CLOCK: variants seen among roughly 807,000 people sequenced by gnomAD.
CLOCK encodes clock circadian regulator.
Under a neutral mutation model 118.4 loss-of-function variants are expected in CLOCK, and 43 were observed. That is an observed-to-expected ratio of 0.36 (90% CI 0.28 to 0.47). The LOEUF (loss-of-function observed/expected upper bound fraction) is 0.47. Ranked by LOEUF, CLOCK falls within the 20% of genes least tolerant of loss-of-function variation. The pLI is 1.00. For missense variants in CLOCK, 846 were observed against 999.9 expected, an observed-to-expected ratio of 0.85 and a Z score of 2.08; for synonymous variants, 326 against 339.2, an observed-to-expected ratio of 0.96 and a Z score of 0.43.
Position 55,449,379 on chromosome 4 carries a change from T to A in CLOCK, c.1449+17A>T. 6.3e-7 allele frequency: 1 copy of A among 1,586,960 alleles called. No individual in the cohort carries two copies. ...TAATAAATCTTTATTCAGAAGAATA[T>A]CCACTAAAGAGCTTACCTGACTACT... On this transcript the variant is annotated intron_variant, in intron 17 of 22. Transcript: ENST00000513440.
At position 55,432,265 on chromosome 4, in the gene CLOCK, A is replaced by C; in HGVS notation, c.*3150T>G. On this transcript the variant is annotated 3_prime_UTR_variant, in exon 23 of 23. Transcript: ENST00000513440. ...AGTGTCTCGGTTCTGGTTTGACACCACTCTAAGGAGCAACTTTATTAACCC... is the reference window on the plus strand; with the variant it reads ...AGTGTCTCGGTTCTGGTTTGACACCCCTCTAAGGAGCAACTTTATTAACCC... 6.6e-6 allele frequency: 1 copy of C among 151,138 alleles called. No individual in the cohort carries two copies. The highest frequency in any genetic ancestry group is 1.9e-4 in the East Asian group (1 of 5,170). 9.4% of individuals were successfully genotyped at this position (151,138 alleles called of 1,614,324 possible).
chr4:55,478,266 AC>A (rs1366588596), intron 6 of CLOCK, among the ~76,000 whole-genome samples: 3 of 152,080 alleles, frequency 2.0e-5, no homozygotes, highest in African/African-American at 7.2e-5. Context: ...GTGTTGATTT[AC>A]TAGATATACA....
intron 22 of CLOCK, among the ~76,000 whole-genome samples, chr4:55,437,620 T>C (rs17721215): frequency 0.25 from 37,465 of 152,084 alleles, 4,955 homozygotes; most frequent in South Asian, 0.37. Context: ...TATTCAGTGA[T>C]TTACAAGCAC....
intron 1 of CLOCK, among the ~76,000 whole-genome samples, chr4:55,543,760 G>C (rs554783233): frequency 2.6e-5 from 4 of 151,146 alleles, no homozygotes; most frequent in Non-Finnish European, 5.9e-5. Context: ...CCTGGTGACA[G>C]AGCAAGACTC....
chr4:55,448,338 C>T (rs1724053800), intron 18 of CLOCK, among the ~76,000 whole-genome samples: 1 of 152,140 alleles, frequency 6.6e-6, no homozygotes, highest in African/African-American at 2.4e-5. Flanking sequence ...TGAACAGCTA[C>T]ATTTCATCCT....
chr4:55,481,995 C>T (rs1726966083), intron 4 of CLOCK, among the ~76,000 whole-genome samples: 1 of 152,064 alleles, frequency 6.6e-6, no homozygotes. Context: ...TTAAGATCAC[C>T]ACTATTTTAT....
chr4:55,471,323 G>A (rs751594574), intron 7 of CLOCK, among the ~76,000 whole-genome samples: 1 of 152,182 alleles, frequency 6.6e-6, no homozygotes, highest in African/African-American at 2.4e-5. Flanking sequence ...AAAAGGCTTT[G>A]AATATAAGGT....
intron 8 of CLOCK, among the ~76,000 whole-genome samples, chr4:55,467,940 G>A (rs577234143): frequency 1.3e-5 from 2 of 152,228 alleles, no homozygotes; most frequent in African/African-American, 2.4e-5. Flanking sequence ...TGTACTGCAT[G>A]GCTTTCAACT....
chr4:55,446,968 AC>A (rs1012402830), intron 18 of CLOCK, among the ~76,000 whole-genome samples: 46 of 152,300 alleles, frequency 3.0e-4, no homozygotes, highest in African/African-American at 1.0e-3. Context: ...ATTAACAATA[AC>A]CAGACCATAT....
At chr4:55,463,629 AG>A (rs1158724122) in intron 9 of CLOCK, 55 bp downstream of exon 9, 4 of 1,591,258 alleles carry the variant, frequency 2.5e-6, no homozygotes, top group Non-Finnish European at 3.4e-6. Flanking sequence ...AACTTGCAAA[AG>A]GATAGTGCTA....
intron 18 of CLOCK, among the ~76,000 whole-genome samples, chr4:55,447,601 T>C (rs2109727437): frequency 6.6e-6 from 1 of 152,264 alleles, no homozygotes; most frequent in Non-Finnish European, 1.5e-5. Context: ...ACATGAATGC[T>C]TACTAACATT....
intron 18 of CLOCK, among the ~76,000 whole-genome samples, chr4:55,446,604 G>A (rs1471337396): frequency 3.3e-5 from 5 of 152,016 alleles, no homozygotes; most frequent in African/African-American, 4.8e-5. Flanking sequence ...ATGAATAAAC[G>A]CATACATGAA....
rs56157186 is a variant in CLOCK at position 55,445,582 on chromosome 4, CTTTTTTTTTTTTTTTTTTT to C, written c.1540-816_1540-798del. On this transcript the variant is annotated intron_variant, in intron 18 of 22. Transcript: ENST00000513440. ...TCTCTGCATCTGCTATTTCTATATTCTTTTTTTTTTTTTTTTTTTTTTTTTTGAGACAGGATCTCACTCT... is the reference window on the plus strand; with the variant it reads ...TCTCTGCATCTGCTATTTCTATATTCTTTTTTTGAGACAGGATCTCACTCT... Among the ~76,000 whole-genome samples the C allele has an allele frequency of 4.4e-5, 3 of 68,574 alleles. 1 individual carries two copies. The Admixed American group carries it at 6.2e-4, about 14-fold the overall frequency. The allele number at this position is 68,574 out of a possible 152,430, so 45.0% of individuals were successfully genotyped here.
At chr4:55,518,219 G>A (rs1488365261) in intron 1 of CLOCK, among the ~76,000 whole-genome samples, 1 of 152,134 alleles carries the variant, frequency 6.6e-6, no homozygotes, top group Non-Finnish European at 1.5e-5. Context: ...GTTAAATAAG[G>A]CAGATAAGGA....
intron 1 of CLOCK, among the ~76,000 whole-genome samples, chr4:55,530,522 C>G (rs1007382244): frequency 1.3e-5 from 2 of 151,964 alleles, no homozygotes; most frequent in African/African-American, 4.8e-5. Flanking sequence ...TGCATATAAT[C>G]CCAGCACTTT....
chr4:55,478,673 G>C, intron 6 of CLOCK, 142 bp downstream of exon 6: 1 of 775,314 alleles, frequency 1.3e-6, no homozygotes, highest in South Asian at 1.7e-5. Flanking sequence ...ATGAAAGAAT[G>C]AACATATTAG....
At chr4:55,518,234 A>G (rs1729641441) in intron 1 of CLOCK, among the ~76,000 whole-genome samples, 1 of 152,120 alleles carries the variant, frequency 6.6e-6, no homozygotes, top group Admixed American at 6.6e-5. Context: ...TAAGGAGACA[A>G]AGCAAACGTG....
chr4:55,539,255 C>A lies in CLOCK; in HGVS notation c.-290+7527G>T, dbSNP rs111632043. 2.8e-3 allele frequency among the ~76,000 whole-genome samples: 376 copies of A among 134,660 alleles called. 4 individuals carry two copies. The highest frequency in any genetic ancestry group is 0.015 in the East Asian group (59 of 4,040). 88.3% of individuals were successfully genotyped at this position (134,660 alleles called of 152,430 possible). ...CTCAAAAAAACAACAACAACAACAACAAAAAAAACACCAAAAACCACTTCA... is the reference window on the plus strand; with the variant it reads ...CTCAAAAAAACAACAACAACAACAAAAAAAAAAACACCAAAAACCACTTCA... On this transcript the variant is annotated intron_variant, in intron 1 of 22. Transcript: ENST00000513440.
intron 1 of CLOCK, among the ~76,000 whole-genome samples, chr4:55,544,020 G>A (rs1260815297): frequency 1.3e-5 from 2 of 152,106 alleles, no homozygotes; most frequent in Non-Finnish European, 2.9e-5. Flanking sequence ...CACAATATTA[G>A]TCACCAGGGG....
Sources: allele counts gnomAD v4.1 joint callset (sites outside exome capture counted in the v4.1 genomes callset), GRCh38; gene constraint gnomAD v4.1.1; transcripts MANE v1.5; gene names NCBI Gene and HGNC (gene_info 2026-07-23, HGNC 2026-07-21).